Variants in AOPEP observed in about 807,000 individuals in gnomAD.
AOPEP encodes aminopeptidase O.
AOPEP carries 77 observed loss-of-function variants against 98.1 expected under a neutral mutation model. That is an observed-to-expected ratio of 0.78 (90% CI 0.65 to 0.95). The LOEUF is 0.95. Ranked by LOEUF, AOPEP falls within the 40% of genes least tolerant of loss-of-function variation. AOPEP has a pLI of 0.00. For missense variants in AOPEP, 1,024 were observed against 1,024.7 expected (o/e 1.00, Z 0.01); for synonymous variants, 346 against 365.3 (o/e 0.95, Z 0.60).
chr9:94,952,325 G>A (rs2058158434), intron 7 of AOPEP, among the ~76,000 whole-genome samples: 1 of 152,182 alleles, frequency 6.6e-6, no homozygotes, highest in Non-Finnish European at 1.5e-5. Flanking sequence ...TTTGCTAGAT[G>A]GCTCAAAGGA....
At chr9:94,889,062 C>G (rs2048577764) in intron 5 of AOPEP, among the ~76,000 whole-genome samples, 1 of 152,106 alleles carries the variant, frequency 6.6e-6, no homozygotes, top group Non-Finnish European at 1.5e-5. Flanking sequence ...GGCGTGATCT[C>G]AGCTCACTGC....
rs144725659 is a variant in AOPEP at position 94,780,531 on chromosome 9, A to G, written c.964+7363A>G. 2.8e-3 allele frequency among the ~76,000 whole-genome samples: 421 copies of G among 152,340 alleles called. 6 individuals carry two copies. Among genetic ancestry groups the G allele is most frequent in the African/African-American group, 9.5e-3 (395 of 41,582 alleles). On this transcript the variant is annotated intron_variant, in intron 3 of 16. Coordinates refer to ENST00000375315, the MANE Select transcript of AOPEP (RefSeq NM_001193329.3). ...AAAGAACTCTATGCTTAATACTGCAATTCCTCCCACAGACAGGGTTTATCA... is the reference window on the plus strand; with the variant it reads ...AAAGAACTCTATGCTTAATACTGCAGTTCCTCCCACAGACAGGGTTTATCA...
At chr9:94,941,535 T>G (rs2057008262) in intron 7 of AOPEP, among the ~76,000 whole-genome samples, 1 of 152,256 alleles carries the variant, frequency 6.6e-6, no homozygotes, top group Non-Finnish European at 1.5e-5. Flanking sequence ...AGAAATGGAC[T>G]CTGCCCTTTC....
chr9:94,769,878 A>G (rs1205496288), intron 2 of AOPEP, among the ~76,000 whole-genome samples: 2 of 152,212 alleles, frequency 1.3e-5, no homozygotes, highest in Non-Finnish European at 2.9e-5. Flanking sequence ...CTAGAACAAA[A>G]TGTCTAGAAC....
chr9:95,085,559 T>C (rs1374562828), intron 16 of AOPEP: 2 of 483,460 alleles, frequency 4.1e-6, no homozygotes, highest in Admixed American at 2.3e-5. Context: ...GACAGTTAAG[T>C]TGGAGCCGCT....
chr9:95,058,661 C>A (rs958526233), intron 13 of AOPEP, among the ~76,000 whole-genome samples: 3 of 152,162 alleles, frequency 2.0e-5, no homozygotes, highest in African/African-American at 7.2e-5. Context: ...GTGGCCTGGC[C>A]TGGGTACCCC....
downstream of AOPEP, among the ~76,000 whole-genome samples, chr9:95,087,548 TCC>T (rs11301877): frequency 1.4e-5 from 2 of 145,862 alleles, no homozygotes; most frequent in Admixed American, 1.4e-4. Context: ...ATTCTGGTGT[TCC>T]CCCCCCACCT....
chr9:94,759,725 AG>A lies in AOPEP; in HGVS notation c.-57del. ...AGCTATTTATGATTCTGGAAGATTAAGGCAGATAGGAAACCCCATCTGAGAT... is the reference window on the plus strand; with the variant it reads ...AGCTATTTATGATTCTGGAAGATTAAGCAGATAGGAAACCCCATCTGAGAT... On this transcript the variant is annotated 5_prime_UTR_variant, in exon 2 of 17. Transcript: ENST00000375315. 7.6e-7 allele frequency: 1 copy of A among 1,307,906 alleles called. No homozygotes were observed. The highest frequency in any genetic ancestry group is 1.4e-5 in the South Asian group (1 of 72,010). 81.0% of individuals were successfully genotyped at this position (1,307,906 alleles called of 1,614,324 possible).
intron 10 of AOPEP, among the ~76,000 whole-genome samples, chr9:94,978,037 C>G (rs2059957851): frequency 6.6e-6 from 1 of 152,194 alleles, no homozygotes; most frequent in South Asian, 2.1e-4. Context: ...GAAAATCAGT[C>G]AGTCCCCTTT....
intron 13 of AOPEP, among the ~76,000 whole-genome samples, chr9:95,017,353 C>G (rs1379536445): frequency 6.6e-6 from 1 of 152,168 alleles, no homozygotes; most frequent in Non-Finnish European, 1.5e-5. Context: ...TCCTACACTT[C>G]AAATTTGTAC....
intron 13 of AOPEP, among the ~76,000 whole-genome samples, chr9:95,028,579 TATTTTGTTGA>T (rs1484499676): frequency 2.0e-5 from 3 of 152,252 alleles, no homozygotes; most frequent in Non-Finnish European, 4.4e-5. Flanking sequence ...GGGAAGATTG[TATTTTGTTGA>T]ATTTTTCCAA....
intron 5 of AOPEP, among the ~76,000 whole-genome samples, chr9:94,819,893 C>T (rs1249206610): frequency 1.3e-5 from 2 of 149,718 alleles, no homozygotes; most frequent in African/African-American, 4.9e-5. Flanking sequence ...TTTAATTTTG[C>T]AAAAGGACCA....
At position 94,899,179 on chromosome 9, in the gene AOPEP, CTTTTTT is replaced by C. The variant is rs1164742981; in HGVS notation, c.1365-24789_1365-24784del. 1.4e-3 allele frequency among the ~76,000 whole-genome samples: 85 copies of C among 59,746 alleles called. 3 individuals carry two copies. Among genetic ancestry groups the C allele is most frequent in the African/African-American group, 3.3e-3 (44 of 13,416 alleles). The allele number at this position is 59,746 out of a possible 152,430, so 39.2% of individuals were successfully genotyped here. A position where few individuals can be genotyped will look rare whatever the true frequency, so the allele number is the denominator to read the frequency against. Reference sequence around the variant, plus strand: ...GGAAGATAATTTGCCTCTTCATTTGCTTTTTTTTTTTTTTTTTTTTTTTGAGAGGGA... The same window carrying C: ...GGAAGATAATTTGCCTCTTCATTTGCTTTTTTTTTTTTTTTTTGAGAGGGA... On this transcript the variant is annotated intron_variant, in intron 5 of 16. Coordinates refer to ENST00000375315, the MANE Select transcript of AOPEP (RefSeq NM_001193329.3).
chr9:94,867,656 G>A lies in AOPEP; in HGVS notation c.1365-56330G>A, dbSNP rs77014935. ...TGACTGGAAGACACCTAGTTTTCTA[G>A]CCAGGATAGCTGAATGCTCCCTTTG... is the stretch of plus-strand genomic sequence containing the variant. On this transcript the variant is annotated intron_variant, in intron 5 of 16. Transcript: ENST00000375315. Among the ~76,000 whole-genome samples the A allele has an allele frequency of 7.2e-3, 1,102 of 152,270 alleles. 14 individuals carry two copies. The highest frequency in any genetic ancestry group is 0.026 in the African/African-American group (1,063 of 41,542).
At chr9:94,792,655 C>T in intron 3 of AOPEP, 110 bp from the exon 4 acceptor site, 1 of 1,079,532 alleles carries the variant, frequency 9.3e-7, no homozygotes, top group East Asian at 2.5e-5. Flanking sequence ...CAAGAGTTGG[C>T]TCTTACCAGC....
chr9:94,847,514 T>A (rs2043013913), intron 5 of AOPEP, among the ~76,000 whole-genome samples: 2 of 152,212 alleles, frequency 1.3e-5, no homozygotes, highest in African/African-American at 4.8e-5. Flanking sequence ...CAATACGTTG[T>A]TAACACGTAC....
At chr9:94,977,542 C>A (rs1451601316) in intron 10 of AOPEP, among the ~76,000 whole-genome samples, 2 of 152,200 alleles carry the variant, frequency 1.3e-5, no homozygotes, top group African/African-American at 4.8e-5. Context: ...GAACAATGAC[C>A]TCATAGAAGG....
At chr9:94,824,499 A>G (rs1291375617) in intron 5 of AOPEP, 1 of 152,196 alleles carries the variant, frequency 6.6e-6, no homozygotes, top group Non-Finnish European at 1.5e-5. Flanking sequence ...TCTTCTGATC[A>G]TTTGTCAAAT....
intron 7 of AOPEP, chr9:94,931,626 A>T (rs1189214510): frequency 1.2e-6 from 1 of 836,264 alleles, no homozygotes; most frequent in Non-Finnish European, 2.0e-6. Context: ...AAACAATCAG[A>T]TGCTATCTTG....
Sources: allele counts gnomAD v4.1 joint callset (sites outside exome capture counted in the v4.1 genomes callset), GRCh38; gene constraint gnomAD v4.1.1; transcripts MANE v1.5; gene names NCBI Gene and HGNC (gene_info 2026-07-23, HGNC 2026-07-21).